The following SPINK7 variants were observed in gnomAD, a reference collection of about 807,000 sequenced individuals.
SPINK7 encodes serine peptidase inhibitor Kazal type 7.
Under a neutral mutation model 11.6 loss-of-function variants are expected in SPINK7, and 8 were observed. The ratio of observed to expected loss-of-function variants is 0.69; its 90% CI spans 0.41 to 1.25. The LOEUF is 1.25. Ranked by LOEUF, SPINK7 falls within the 50% of genes most tolerant of loss-of-function variation. SPINK7 has a pLI of 0.01. For missense variants in SPINK7, 113 were observed against 99.3 expected (o/e 1.14, Z -0.58); for synonymous variants, 38 against 35.3 (o/e 1.08, Z -0.27).
intron 3 of SPINK7, chr5:148,314,652 T>G: frequency 1.3e-5 from 2 of 159,040 alleles, no homozygotes; most frequent in African/African-American, 2.4e-5. Context: ...GAAAGGGCCC[T>G]GAATCCCCAC....
At chr5:148,314,313 T>C (rs1756902788) in intron 3 of SPINK7, 89 bp downstream of exon 3, 12 of 1,393,652 alleles carry the variant, frequency 8.6e-6, no homozygotes, top group Non-Finnish European at 1.1e-5. Flanking sequence ...CTTAAATCTC[T>C]ATAAGCTGTA....
Position 148,314,181 on chromosome 5 carries a change from T to A in SPINK7, c.169T>A (p.Tyr57Asn), listed in dbSNP as rs377723072. The A allele has an allele frequency of 6.2e-7, 1 of 1,613,802 alleles. No individual in the cohort carries two copies. The highest frequency in any genetic ancestry group is 8.5e-7 in the Non-Finnish European group (1 of 1,179,750). The change falls in exon 3 of 4, where the codon TAC becomes AAC. Residue 57 changes from tyrosine to asparagine, a missense_variant. Physicochemically the swap from Tyr to Asn is moderately radical, Grantham distance 143 (BLOSUM62 -2). Transcript: ENST00000274565. ...ITYLPVCGSD[Y>N]ITYGNECHLC... ...ATACCTACCAGTTTGTGGTTCTGAC[T>A]ACATCACCTATGGGAATGAATGTCA...
At chr5:148,314,014 G>A (rs1756896253) in intron 2 of SPINK7, 86 bp from the exon 3 acceptor site, 1 of 1,555,300 alleles carries the variant, frequency 6.4e-7, no homozygotes, top group Non-Finnish European at 8.8e-7. Flanking sequence ...ATCTGAGCTG[G>A]GACTTCCAGC....
In SPINK7 at chr5:148,314,428, A is replaced by G. The variant is rs540228541; in HGVS notation, c.212+204A>G. 6.8e-6 allele frequency: 4 copies of G among 589,416 alleles called. No individual in the cohort carries two copies. In the East Asian group the frequency reaches 1.1e-4, roughly 16 times the overall value. The allele number at this position is 589,416 out of a possible 1,614,324, so 36.5% of individuals were successfully genotyped here. On this transcript the variant is annotated intron_variant, in intron 3 of 3. Coordinates refer to ENST00000274565, the MANE Select transcript of SPINK7 (RefSeq NM_032566.3). ...TGCTCTGCCAGCTTGGACTAGTCCC[A>G]TCCCATCACAGAACCTCCAGTTCCT...
At chr5:148,314,309 T>C in intron 3 of SPINK7, 85 bp downstream of exon 3, 2 of 1,441,858 alleles carry the variant, frequency 1.4e-6, no homozygotes, top group Non-Finnish European at 1.9e-6. Flanking sequence ...CCAGCTTAAA[T>C]CTCTATAAGC....
chr5:148,314,095 C>T lies in SPINK7; in HGVS notation c.88-5C>T. On this transcript the variant is annotated splice_region_variant and splice_polypyrimidine_tract_variant and intron_variant, in intron 2 of 3. Coordinates refer to ENST00000274565, the MANE Select transcript of SPINK7 (RefSeq NM_032566.3). ...AAACAGGACATTTGCTTGTATATGA[C>T]ACAGGTGGACTGCAGCATTTACAAG... The T allele has an allele frequency of 6.2e-7, 1 of 1,613,736 alleles. No homozygotes were observed. The highest frequency in any genetic ancestry group is 8.5e-7 in the Non-Finnish European group (1 of 1,179,782).
chr5:148,314,583 C>A, intron 3 of SPINK7: 1 of 232,632 alleles, frequency 4.3e-6, no homozygotes, highest in Non-Finnish European at 8.4e-6. Context: ...TAGTTGACAA[C>A]ATAAAGTTCA....
At chr5:148,313,742 C>A (rs998170575) in intron 2 of SPINK7, 7 of 426,362 alleles carry the variant, frequency 1.6e-5, no homozygotes, top group East Asian at 3.6e-5. Flanking sequence ...CTACTACTTA[C>A]CAGCATTTAT....
intron 3 of SPINK7, chr5:148,314,480 G>T (rs987655740): frequency 5.6e-6 from 3 of 537,548 alleles, no homozygotes; most frequent in Non-Finnish European, 1.0e-5. Flanking sequence ...AATCCAGTAA[G>T]GCTGTGGATT....
chr5:148,312,935 T>C (rs1756879814), intron 1 of SPINK7, among the ~76,000 whole-genome samples: 1 of 152,042 alleles, frequency 6.6e-6, no homozygotes, highest in African/African-American at 2.4e-5. Flanking sequence ...GGGTCAACAA[T>C]TAGACTTTTA....
rs1756893616 is a variant in SPINK7, at chr5:148,313,825, C to G, written c.88-275C>G. On this transcript the variant is annotated intron_variant, in intron 2 of 3. Coordinates refer to ENST00000274565, the MANE Select transcript of SPINK7 (RefSeq NM_032566.3). ...AAGAGAGGTAATAGTAGAATTTACT[C>G]TAGTTGTTCTGAAGATTAAACAAGA... 2.2e-5 allele frequency: 11 copies of G among 504,256 alleles called. No homozygotes were observed. The Admixed American group carries it at 3.6e-4, about 17-fold the overall frequency. 31.2% of individuals were successfully genotyped at this position (504,256 alleles called of 1,614,324 possible). A position where few individuals can be genotyped will look rare whatever the true frequency, so the allele number is the denominator to read the frequency against.
In SPINK7 at chr5:148,313,399, A is replaced by G. The variant is rs1191102190; in HGVS notation, c.87A>G (p.Lys29=). The change falls in exon 2 of 4, where the codon AAA becomes AAG. Residue 29 remains lysine (K), a splice_region_variant and synonymous_variant. Transcript: ENST00000274565. The part of the protein sequence containing the change: ...SSEAASLSPK[K]VDCSIYKKYP... ...AAGCTGCTAGTCTGTCTCCAAAAAA[A>G]GTAAGTATGTTGAATAACATTTTAA... The G allele has an allele frequency of 3.8e-6, 6 of 1,598,886 alleles. 1 individual carries two copies. Among genetic ancestry groups the G allele is most frequent in the Non-Finnish European group, 1.7e-6 (2 of 1,168,942 alleles).
chr5:148,312,578 AT>A (rs754597369), intron 1 of SPINK7, 34 bp downstream of exon 1: 8 of 1,286,730 alleles, frequency 6.2e-6, no homozygotes, highest in Non-Finnish European at 8.8e-6. Flanking sequence ...CTATATAGCC[AT>A]TAAGATTGTT....
Position 148,314,172 on chromosome 5 carries a change from G to A in SPINK7, c.160G>A (p.Gly54Ser). 6.2e-7 allele frequency: 1 copy of A among 1,613,770 alleles called. No individual in the cohort carries two copies. The highest frequency in any genetic ancestry group is 8.5e-7 in the Non-Finnish European group (1 of 1,179,784). Residue 54 changes from glycine to serine, a missense_variant, in exon 3 of 4, where the codon GGT (glycine) becomes AGT (serine). By Grantham distance (56) the Gly-to-Ser change is moderately conservative. Transcript: ENST00000274565. ...CCCCATCACATACCTACCAGTTTGTGGTTCTGACTACATCACCTATGGGAA... is the reference window on the plus strand; with the variant it reads ...CCCCATCACATACCTACCAGTTTGTAGTTCTGACTACATCACCTATGGGAA... ...PCPITYLPVC[G>S]SDYITYGNEC...
chr5:148,312,514 T>C lies in SPINK7; in HGVS notation c.31T>C (p.Cys11Arg), dbSNP rs34113853. 1.5e-3 allele frequency: 2,401 copies of C among 1,611,588 alleles called. 35 individuals are homozygous for C. In the African/African-American group the frequency reaches 0.029, roughly 19 times the overall value. The change falls in exon 1 of 4, where the codon TGT (cysteine) becomes CGT (arginine). Residue 11 changes from cysteine (C) to arginine (R), a missense_variant. Cys to Arg is a radical substitution (Grantham distance 180). Coordinates refer to ENST00000274565, the MANE Select transcript of SPINK7 (RefSeq NM_032566.3). Reference sequence around the variant, plus strand: ...GATCACTGGGGGTCTCCTTCTGCTCTGTACAGTGGTCTATTTCTGTAGCAG... The same window carrying C: ...GATCACTGGGGGTCTCCTTCTGCTCCGTACAGTGGTCTATTTCTGTAGCAG... MKITGGLLLL[C>R]TVVYFCSSSE... is the part of the protein sequence containing the mutation.
Position 148,313,397 on chromosome 5 carries a change from AAAGT to A in SPINK7, c.87+4_87+7del, listed in dbSNP as rs758282589. ...AGAAGCTGCTAGTCTGTCTCCAAAA[AAAGT>A]AAGTATGTTGAATAACATTTTAATG... On this transcript the variant is annotated splice_donor_variant and coding_sequence_variant, in exon 2 of 4. Transcript: ENST00000274565. LOFTEE classifies it high-confidence loss of function. The A allele has an allele frequency of 5.0e-6, 8 of 1,599,350 alleles. No homozygotes were observed. In the South Asian group the frequency reaches 6.7e-5, roughly 13 times the overall value.
Sources: gnomAD v4.1 joint callset for allele counts (sites outside exome capture counted in the v4.1 genomes callset) on GRCh38, gnomAD v4.1.1 for gene constraint, MANE v1.5 for transcripts, NCBI Gene and HGNC (gene_info 2026-07-23, HGNC 2026-07-21) for gene names.